LMO7: variants seen among roughly 807,000 people sequenced by gnomAD.
LMO7 encodes LIM domain only protein 7.
A neutral mutation model predicts 206.5 loss-of-function variants in LMO7; 120 were observed. The ratio of observed to expected loss-of-function variants is 0.58; its 90% CI spans 0.50 to 0.68. The LOEUF (loss-of-function observed/expected upper bound fraction) is 0.68. LMO7 is among the 30% of genes least tolerant of loss of function. LMO7 has a pLI of 0.00. For synonymous variants in LMO7, 706 were observed against 681.5 expected (o/e 1.04, Z -0.56); for missense variants, 1,959 against 1,957.9 (o/e 1.00, Z -0.01).
At chr13:75,745,705 A>G (rs915520160) in intron 3 of LMO7, among the ~76,000 whole-genome samples, 5 of 152,220 alleles carry the variant, frequency 3.3e-5, no homozygotes, top group Admixed American at 2.6e-4. Context: ...CCAGTCATGG[A>G]AGGCCTGACT....
rs780560352 is a variant in LMO7 at position 75,819,400 on chromosome 13, C to A, written c.2072C>A (p.Ala691Glu). 2.5e-5 allele frequency: 40 copies of A among 1,602,102 alleles called. No individual in the cohort carries two copies. The African/African-American group carries it at 5.0e-4, about 20-fold the overall frequency. ...EQDQKWQDDLAKWKDRRKSYT... is the reference protein window; with the variant it reads ...EQDQKWQDDLEKWKDRRKSYT... ...ATGTGATTTTTCTGTCAGGACCTTG[C>A]AAAATGGAAAGATCGTCGAAAAAGT... The change falls in exon 13 of 31, where the codon GCA becomes GAA. Residue 691 changes from alanine (A) to glutamate (E), a missense_variant. Transcript: ENST00000377534.
At chr13:75,760,254 G>C (rs995341833) in intron 3 of LMO7, 1 of 568,822 alleles carries the variant, frequency 1.8e-6, no homozygotes, top group Non-Finnish European at 2.2e-6. Context: ...CAACCTTGGA[G>C]GGAGGGGATA....
intron 1 of LMO7, among the ~76,000 whole-genome samples, chr13:75,670,669 G>A (rs556093255): frequency 7.2e-5 from 11 of 152,294 alleles, no homozygotes; most frequent in Admixed American, 4.6e-4. Context: ...TTGCAGGACC[G>A]GAAGTTGCTC....
intron 3 of LMO7, among the ~76,000 whole-genome samples, chr13:75,736,016 G>GA (rs1359514668): frequency 1.3e-5 from 2 of 152,070 alleles, no homozygotes; most frequent in Non-Finnish European, 2.9e-5. Flanking sequence ...TGGAATGCTC[G>GA]AATTGTAGTG....
chr13:75,753,168 T>G (rs900122145), intron 3 of LMO7, among the ~76,000 whole-genome samples: 1 of 152,232 alleles, frequency 6.6e-6, no homozygotes, highest in Non-Finnish European at 1.5e-5. Flanking sequence ...TTTGCATTTC[T>G]CTGACTAGTA....
chr13:75,856,014 G>C (rs1050891600), intron 29 of LMO7, among the ~76,000 whole-genome samples: 14 of 152,204 alleles, frequency 9.2e-5, no homozygotes, highest in African/African-American at 3.4e-4. Flanking sequence ...AGGCACAGCA[G>C]AATGAGTCAA....
intron 1 of LMO7, among the ~76,000 whole-genome samples, chr13:75,697,907 T>C (rs1334365734): frequency 6.6e-6 from 1 of 152,178 alleles, no homozygotes; most frequent in East Asian, 1.9e-4. Flanking sequence ...GGAAAAACTG[T>C]TTCTGCAAGT....
intron 15 of LMO7, among the ~76,000 whole-genome samples, chr13:75,824,163 T>G (rs2057885329): frequency 6.6e-6 from 1 of 152,122 alleles, no homozygotes. Context: ...GTGGTTGCCT[T>G]ATACTGCTAG....
At chr13:75,679,614 C>G (rs1346053256) in intron 1 of LMO7, among the ~76,000 whole-genome samples, 1 of 152,104 alleles carries the variant, frequency 6.6e-6, no homozygotes, top group Non-Finnish European at 1.5e-5. Context: ...GTCCTGATGA[C>G]CTGTCACCCA....
At chr13:75,670,450 C>T (rs2039460625) in intron 1 of LMO7, among the ~76,000 whole-genome samples, 1 of 152,102 alleles carries the variant, frequency 6.6e-6, no homozygotes, top group African/African-American at 2.4e-5. Flanking sequence ...ATGGTGTAGC[C>T]TATCAAACAC....
intron 4 of LMO7, among the ~76,000 whole-genome samples, chr13:75,787,904 C>G (rs764123653): frequency 5.3e-5 from 8 of 152,122 alleles, no homozygotes; most frequent in Admixed American, 1.3e-4. Flanking sequence ...AATTCATCTT[C>G]AACTTGTTTT....
intron 26 of LMO7, among the ~76,000 whole-genome samples, chr13:75,847,847 G>C (rs1048154892): frequency 1.3e-5 from 2 of 152,112 alleles, no homozygotes; most frequent in Non-Finnish European, 2.9e-5. Flanking sequence ...TTCTGGAGTA[G>C]GAGACAGTTA....
At chr13:75,781,373 T>C (rs1183350899) in intron 4 of LMO7, among the ~76,000 whole-genome samples, 8 of 142,404 alleles carry the variant, frequency 5.6e-5, no homozygotes, top group South Asian at 4.5e-4. Flanking sequence ...TGAGAATATG[T>C]GGTGTTTGGT....
chr13:75,647,951 C>CTTTTTTTTTTTTTTTTTTTTTTTTTTTT lies in LMO7; in HGVS notation c.69+11243_69+11244insTTTTTTTTTTTTTTTTTTTTTTTTTTTT, dbSNP rs570513211. Among the ~76,000 whole-genome samples, 25 of 91,124 alleles carry CTTTTTTTTTTTTTTTTTTTTTTTTTTTT rather than the reference C, an allele frequency of 2.7e-4. 1 individual carries two copies. The highest frequency in any genetic ancestry group is 7.8e-4 in the Admixed American group (5 of 6,420). The allele number at this position is 91,124 out of a possible 152,430, so 59.8% of individuals were successfully genotyped here. On this transcript the variant is annotated intron_variant, in intron 1 of 30. Coordinates refer to ENST00000377534, the MANE Select transcript of LMO7 (RefSeq NM_001306080.2). The stretch of plus-strand genomic sequence containing the variant: ...GATTTTCTCTTGTTTTCTTTTCTTT[C>CTTTTTTTTTTTTTTTTTTTTTTTTTTTT]TTTTTTTTTTTTTTTTTTGAGACAG...
At chr13:75,690,392 C>CA (rs955501093) in intron 1 of LMO7, among the ~76,000 whole-genome samples, 12 of 152,164 alleles carry the variant, frequency 7.9e-5, no homozygotes, top group African/African-American at 2.9e-4. Context: ...ACCAGGACCC[C>CA]ACGCTCTTAT....
At chr13:75,774,092 G>T (rs1231517476) in intron 4 of LMO7, among the ~76,000 whole-genome samples, 1 of 151,660 alleles carries the variant, frequency 6.6e-6, no homozygotes, top group African/African-American at 2.4e-5. Flanking sequence ...CAGCTTTATT[G>T]TGGTATCATT....
chr13:75,849,220 A>T lies in LMO7; in HGVS notation c.4292A>T (p.Asp1431Val). The T allele has an allele frequency of 6.2e-7, 1 of 1,614,180 alleles. No homozygotes were observed. Among genetic ancestry groups the T allele is most frequent in the Non-Finnish European group, 8.5e-7 (1 of 1,180,010 alleles). ...AGGAAGAGAACACCCCTTCACAATG[A>T]CAACAGCTGGATCCGACAGCGCAGT... ...EMRKRTPLHN[D>V]NSWIRQRSAS... Residue 1431 changes from aspartate (D) to valine (V), a missense_variant, in exon 27 of 31, where the codon GAC becomes GTC. Coordinates refer to ENST00000377534, the MANE Select transcript of LMO7 (RefSeq NM_001306080.2).
intron 4 of LMO7, among the ~76,000 whole-genome samples, chr13:75,777,937 G>T (rs1387794215): frequency 5.3e-5 from 8 of 152,072 alleles, no homozygotes; most frequent in Admixed American, 5.2e-4. Context: ...AAGCCACCGT[G>T]CCTGGCCACT....
intron 3 of LMO7, among the ~76,000 whole-genome samples, chr13:75,733,719 C>A (rs189531933): frequency 6.6e-6 from 1 of 152,224 alleles, no homozygotes; most frequent in South Asian, 2.1e-4. Flanking sequence ...TCTTCTGCGT[C>A]GCTCATGCTG....
Sources: gnomAD v4.1 joint callset for allele counts (sites outside exome capture counted in the v4.1 genomes callset) on GRCh38, gnomAD v4.1.1 for gene constraint, MANE v1.5 for transcripts, NCBI Gene and HGNC (gene_info 2026-07-23, HGNC 2026-07-21) for gene names.